The following FBN3 variants were observed in gnomAD, a reference collection of about 807,000 sequenced individuals.
FBN3 encodes fibrillin 3, also known as fibrillin-3.
FBN3 carries 234 observed loss-of-function variants against 330.1 expected under a neutral mutation model. That is an observed-to-expected ratio of 0.71 (90% CI 0.64 to 0.79). The LOEUF is 0.79. Among genes scored for constraint, FBN3 ranks in the 30% least tolerant of loss-of-function variants. The pLI is 0.00. For missense variants in FBN3, 3,606 were observed against 3,886.9 expected (o/e 0.93, Z 1.92); for synonymous variants, 1,458 against 1,517.3 (o/e 0.96, Z 0.91).
At chr19:8,067,405 C>T (rs1481635775) in intron 63 of FBN3, among the ~76,000 whole-genome samples, 1 of 152,150 alleles carries the variant, frequency 6.6e-6, no homozygotes, top group African/African-American at 2.4e-5. Context: ...GGATTACAGG[C>T]GTGAGCCATT....
chr19:8,076,256 G>A (rs946795333), intron 59 of FBN3, among the ~76,000 whole-genome samples: 2 of 151,864 alleles, frequency 1.3e-5, no homozygotes, highest in East Asian at 1.9e-4. Flanking sequence ...GCGTGTGTGT[G>A]TGTGTGTGTG....
In FBN3 at chr19:8,123,528, C is replaced by A; in HGVS notation, c.3018G>T (p.Val1006=). 1.2e-6 allele frequency: 2 copies of A among 1,614,200 alleles called. No homozygotes were observed. The highest frequency in any genetic ancestry group is 1.7e-6 in the Non-Finnish European group (2 of 1,180,024). ...CCGCACAGGCGCAGTGGAAGCTGCCCACCGTGTTTCTGCAGGTACCGTGCG... is the reference window on the plus strand; with the variant it reads ...CCGCACAGGCGCAGTGGAAGCTGCCAACCGTGTTTCTGCAGGTACCGTGCG... ...LCTHGTCRNT[V]GSFHCACAGG... Residue 1006 remains valine, a synonymous_variant, in exon 24 of 64, where the codon GTG becomes GTT. Transcript: ENST00000600128.
intron 18 of FBN3, among the ~76,000 whole-genome samples, chr19:8,127,776 AG>A (rs1389653092): frequency 6.6e-6 from 1 of 152,192 alleles, no homozygotes; most frequent in Non-Finnish European, 1.5e-5. Flanking sequence ...TGAGGTCAGG[AG>A]TTCGAGACCA....
chr19:8,084,356 G>A lies in FBN3; in HGVS notation c.7088-984C>T, dbSNP rs570410505. Among the ~76,000 whole-genome samples the A allele has an allele frequency of 6.0e-4, 91 of 152,100 alleles. No homozygotes were observed. The South Asian group carries it at 0.011, about 18-fold the overall frequency. On this transcript the variant is annotated intron_variant, in intron 56 of 63. Coordinates refer to ENST00000600128, the MANE Select transcript of FBN3 (RefSeq NM_032447.5). ...ACACACACCAGCTCCCACGCAGTCC[G>A]GAACGAGCTCTCACTCACAAAGAAC...
At chr19:8,135,940 A>ACACCCCCCCC in intron 13 of FBN3, 21 bp downstream of exon 13, 1 of 168,344 alleles carries the variant, frequency 5.9e-6, no homozygotes. Context: ...GCCCCTGCCC[A>ACACCCCCCCC]CCCGCCCACC....
chr19:8,066,420 G>A (rs1425950293), intron 63 of FBN3, among the ~76,000 whole-genome samples, 160 bp from the exon 64 acceptor site: 2 of 152,200 alleles, frequency 1.3e-5, no homozygotes, highest in African/African-American at 4.8e-5. Flanking sequence ...TTGCAGCAAC[G>A]TGGATGCAGC....
intron 56 of FBN3, among the ~76,000 whole-genome samples, chr19:8,084,098 CT>C (rs753556797): frequency 7.2e-4 from 109 of 152,140 alleles, no homozygotes; most frequent in Non-Finnish European, 1.2e-3. Flanking sequence ...CACCGCGGCC[CT>C]CCCCAGTCCT....
chr19:8,127,160 C>T (rs536788345), intron 18 of FBN3, among the ~76,000 whole-genome samples: 17 of 150,224 alleles, frequency 1.1e-4, no homozygotes, highest in Admixed American at 3.4e-4. Flanking sequence ...CGGGTTCAAG[C>T]GATTCTCGTG....
At chr19:8,092,708 A>C (rs11879793) in intron 47 of FBN3, among the ~76,000 whole-genome samples, 175 of 3,926 alleles carry the variant, frequency 0.045, 1 homozygote, top group African/African-American at 0.11. Flanking sequence ...AGACTCCACC[A>C]AAAAAAAAAA....
At chr19:8,094,402 G>A (rs1235926445) in intron 47 of FBN3, 44 bp downstream of exon 47, 1 of 1,573,982 alleles carries the variant, frequency 6.4e-7, no homozygotes, top group Non-Finnish European at 8.7e-7. Context: ...GAGAAAGAGA[G>A]GCACTCCCTG....
intron 51 of FBN3, 87 bp downstream of exon 51, chr19:8,089,458 G>C: frequency 6.6e-7 from 1 of 1,507,834 alleles, no homozygotes; most frequent in South Asian, 1.2e-5. Context: ...CTCACCCACT[G>C]CCTGGGGGTG....
In FBN3 at chr19:8,123,982, G is replaced by T. The variant is rs759862434; in HGVS notation, c.2758C>A (p.Arg920=). The T allele has an allele frequency of 1.9e-5, 30 of 1,613,736 alleles. No individual in the cohort carries two copies. In the Middle Eastern group the frequency reaches 8.2e-4, roughly 44 times the overall value. ...ACCCCACACTCATCCTCATCCCATC[G>T]CAGGAAACATGGTTCCAATCTCACA... The part of the protein sequence containing the change: ...VDVRLEPCFL[R]WDEDECGVTL... The change falls in exon 23 of 64, where the codon CGA becomes AGA. Residue 920 remains arginine, a synonymous_variant. Transcript: ENST00000600128.
chr19:8,147,011 G>T, intron 3 of FBN3, 93 bp downstream of exon 3: 2 of 1,202,328 alleles, frequency 1.7e-6, no homozygotes, highest in Non-Finnish European at 2.4e-6. Flanking sequence ...GAGGTCCCTG[G>T]CTAAGTCCCC....
rs910642411 is a variant in FBN3 at position 8,123,674 on chromosome 19, G to A, written c.2957-85C>T. 2.1e-5 allele frequency: 33 copies of A among 1,596,848 alleles called. No homozygotes were observed. The African/African-American group carries it at 2.7e-4, about 13-fold the overall frequency. On this transcript the variant is annotated intron_variant, in intron 23 of 63. Coordinates refer to ENST00000600128, the MANE Select transcript of FBN3 (RefSeq NM_032447.5). ...GCCCTCCCTGGGTTCTTAGTGCCTC[G>A]CCTTACCCACATCCCCTTTTCCCCC... is the stretch of plus-strand genomic sequence containing the variant.
chr19:8,135,936 G>GGGGGGGGGGGGGCCCCC, intron 13 of FBN3, 25 bp downstream of exon 13: 6 of 668,722 alleles, frequency 9.0e-6, no homozygotes, highest in African/African-American at 4.0e-5. Flanking sequence ...GGAAGCCCCT[G>GGGGGGGGGGGGGCCCCC]CCCACCCGCC....
Position 8,111,622 on chromosome 19 carries a change from CTGCCCTCCCA to C in FBN3, c.4084+16_4084+25del. The C allele has an allele frequency of 6.7e-7, 1 of 1,492,016 alleles. No homozygotes were observed. The highest frequency in any genetic ancestry group is 9.2e-7 in the Non-Finnish European group (1 of 1,083,738). 92.4% of individuals were successfully genotyped at this position (1,492,016 alleles called of 1,614,324 possible). A position where few individuals can be genotyped will look rare whatever the true frequency, so the allele number is the denominator to read the frequency against. Reference sequence around the variant, plus strand: ...CCCCGTGGCTGTCCCTCTAGGGCCCCTGCCCTCCCACCCCTCTAATCTCACCTTCGCAGAA... The same window carrying C: ...CCCCGTGGCTGTCCCTCTAGGGCCCCCCCCTCTAATCTCACCTTCGCAGAA... On this transcript the variant is annotated intron_variant, in intron 32 of 63. Transcript: ENST00000600128.
Position 8,115,507 on chromosome 19 carries a change from C to T in FBN3, c.3838+8G>A, listed in dbSNP as rs775354564. 1.2e-5 allele frequency: 19 copies of T among 1,613,378 alleles called. No individual in the cohort carries two copies. The highest frequency in any genetic ancestry group is 1.7e-4 in the Middle Eastern group (1 of 6,030). On this transcript the variant is annotated splice_region_variant and intron_variant, in intron 30 of 63. Coordinates refer to ENST00000600128, the MANE Select transcript of FBN3 (RefSeq NM_032447.5). ...CCCCTCTGCCTGCACCGCTGACCGC[C>T]GGCTCACCAGAGCAGCCTGTGGCCC...
rs1353637139 is a variant in FBN3 at position 8,088,134 on chromosome 19, C to A, written c.6422G>T (p.Cys2141Phe). Residue 2141 changes from cysteine to phenylalanine, a missense_variant, in exon 52 of 64, where the codon TGC becomes TTC. By Grantham distance (205) the Cys-to-Phe change is radical. Coordinates refer to ENST00000600128, the MANE Select transcript of FBN3 (RefSeq NM_032447.5). ...SVGHPCGQGT[C>F]TNVIGGFECA... Reference sequence around the variant, plus strand: ...TTCGAAGCCTCCGATGACATTGGTGCATGTCCCTTGCCCACAGGGGTGGCC... The same window carrying A: ...TTCGAAGCCTCCGATGACATTGGTGAATGTCCCTTGCCCACAGGGGTGGCC... 1.2e-6 allele frequency: 2 copies of A among 1,613,512 alleles called. No individual in the cohort carries two copies. The highest frequency in any genetic ancestry group is 2.2e-5 in the South Asian group (2 of 91,010).
At chr19:8,126,875 G>T (rs1441778743) in intron 18 of FBN3, 43 bp from the exon 19 acceptor site, 1 of 1,513,608 alleles carries the variant, frequency 6.6e-7, no homozygotes, top group Non-Finnish European at 8.8e-7. Flanking sequence ...TGCAGGAGGA[G>T]TTGCCTTACC....
Sources: allele counts gnomAD v4.1 joint callset (sites outside exome capture counted in the v4.1 genomes callset), GRCh38; gene constraint gnomAD v4.1.1; transcripts MANE v1.5; gene names NCBI Gene and HGNC (gene_info 2026-07-23, HGNC 2026-07-21).